Variants in KCNK10 observed in about 807,000 individuals in gnomAD.
KCNK10 encodes potassium channel subfamily K member 10.
In KCNK10, 25 loss-of-function variants were observed where a neutral mutation model predicts 47.7. The ratio of observed to expected loss-of-function variants is 0.52; its 90% CI spans 0.38 to 0.73. The LOEUF is 0.73. KCNK10 is among the 30% of genes least tolerant of loss of function. The probability of loss-of-function intolerance (pLI) is 0.00; values close to 1 mark genes in which losing one functional copy is unlikely to be tolerated. For missense variants in KCNK10, 563 were observed against 714.5 expected (o/e 0.79, Z 2.42); for synonymous variants, 303 against 285.6 (o/e 1.06, Z -0.61).
At position 88,202,152 on chromosome 14, in the gene KCNK10, G is replaced by A. The variant is rs374997497; in HGVS notation, c.682-9742C>T. Reference sequence around the variant, plus strand: ...GCCTCCTGATGTTCACCCCATGTTAGGAGAAAGATTAGAAAATGGAATTGG... The same window carrying A: ...GCCTCCTGATGTTCACCCCATGTTAAGAGAAAGATTAGAAAATGGAATTGG... On this transcript the variant is annotated intron_variant, in intron 4 of 6. Transcript: ENST00000319231. 2.1e-4 allele frequency among the ~76,000 whole-genome samples: 32 copies of A among 152,300 alleles called. 1 individual carries two copies. The highest frequency in any genetic ancestry group is 7.7e-4 in the African/African-American group (32 of 41,558).
At chr14:88,274,127 C>T in intron 1 of KCNK10, among the ~76,000 whole-genome samples, 1 of 149,480 alleles carries the variant, frequency 6.7e-6, no homozygotes, top group East Asian at 2.0e-4. Flanking sequence ...TAAAACTCCA[C>T]AAGCACCGCC....
At chr14:88,257,968 T>C (rs1460955967) in intron 2 of KCNK10, among the ~76,000 whole-genome samples, 3 of 152,050 alleles carry the variant, frequency 2.0e-5, no homozygotes, top group Non-Finnish European at 4.4e-5. Flanking sequence ...ACCCACTAGA[T>C]GTCTATAGCA....
At chr14:88,246,689 A>C (rs1886652959) in intron 2 of KCNK10, among the ~76,000 whole-genome samples, 1 of 152,212 alleles carries the variant, frequency 6.6e-6, no homozygotes, top group African/African-American at 2.4e-5. Flanking sequence ...TCTTGGATTC[A>C]GTGCAGAGGA....
intron 1 of KCNK10, among the ~76,000 whole-genome samples, chr14:88,300,456 T>C: frequency 6.6e-6 from 1 of 152,246 alleles, no homozygotes. Flanking sequence ...TCAGTCATCC[T>C]ACAAGAGTAG....
At chr14:88,231,348 G>A (rs146391582) in intron 3 of KCNK10, among the ~76,000 whole-genome samples, 29 of 152,198 alleles carry the variant, frequency 1.9e-4, no homozygotes, top group Admixed American at 5.2e-4. Flanking sequence ...CAGGTGCCTC[G>A]ATAGTTTGAT....
intron 2 of KCNK10, among the ~76,000 whole-genome samples, chr14:88,250,947 T>C (rs1438544845): frequency 6.6e-6 from 1 of 152,126 alleles, no homozygotes; most frequent in East Asian, 1.9e-4. Context: ...TTCAAACAGA[T>C]ACAAAGGCTG....
chr14:88,208,048 T>C (rs1202104670), intron 4 of KCNK10, among the ~76,000 whole-genome samples: 1 of 152,210 alleles, frequency 6.6e-6, no homozygotes, highest in Non-Finnish European at 1.5e-5. Flanking sequence ...AAGCAGAGAT[T>C]TCTCCCCAAA....
chr14:88,285,782 C>G (rs1887747571), intron 1 of KCNK10, among the ~76,000 whole-genome samples: 1 of 152,202 alleles, frequency 6.6e-6, no homozygotes, highest in Non-Finnish European at 1.5e-5. Flanking sequence ...CAGGTTAAGC[C>G]TCCTGGAAGA....
At chr14:88,200,103 CTCTT>C (rs1430574774) in intron 4 of KCNK10, among the ~76,000 whole-genome samples, 1 of 129,440 alleles carries the variant, frequency 7.7e-6, no homozygotes, top group African/African-American at 2.9e-5. Flanking sequence ...TCCTTTTTTT[CTCTT>C]TCTTTCCATA....
chr14:88,264,323 C>T (rs940018118), intron 1 of KCNK10, among the ~76,000 whole-genome samples: 13 of 152,210 alleles, frequency 8.5e-5, no homozygotes, highest in African/African-American at 1.7e-4. Context: ...ATGACGCACA[C>T]GCAATGCTAT....
chr14:88,247,996 T>G (rs188102978), intron 2 of KCNK10, among the ~76,000 whole-genome samples: 1 of 152,314 alleles, frequency 6.6e-6, no homozygotes, highest in South Asian at 2.1e-4. Context: ...TATACTTTGA[T>G]ATGATCAATA....
In KCNK10 at chr14:88,182,423, C is replaced by T. The variant is rs1884403309; in HGVS notation, c.*3112G>A. 6.6e-6 allele frequency: 1 copy of T among 152,282 alleles called. No individual in the cohort carries two copies. The highest frequency in any genetic ancestry group is 1.5e-5 in the Non-Finnish European group (1 of 68,026). The allele number at this position is 152,282 out of a possible 1,614,324, so 9.4% of individuals were successfully genotyped here. On this transcript the variant is annotated 3_prime_UTR_variant, in exon 7 of 7. Coordinates refer to ENST00000319231, the MANE Select transcript of KCNK10 (RefSeq NM_138317.3). ...CACGTGTATTCTACATGCCATTTGG[C>T]CCCATCTAAAAAAGGTAACATTCAA...
intron 1 of KCNK10, among the ~76,000 whole-genome samples, chr14:88,316,955 T>C (rs968546962): frequency 6.6e-6 from 1 of 152,176 alleles, no homozygotes; most frequent in African/African-American, 2.4e-5. Flanking sequence ...GGGGTTCATA[T>C]GGAGCCAAAG....
chr14:88,272,473 A>T (rs1451249827), intron 1 of KCNK10, among the ~76,000 whole-genome samples: 1 of 152,100 alleles, frequency 6.6e-6, no homozygotes, highest in African/African-American at 2.4e-5. Flanking sequence ...AGGAAGGCGG[A>T]ACAGCAATGG....
intron 4 of KCNK10, among the ~76,000 whole-genome samples, chr14:88,217,306 C>A (rs1300510498): frequency 6.6e-6 from 1 of 152,166 alleles, no homozygotes; most frequent in African/African-American, 2.4e-5. Flanking sequence ...CTGAAGTTCA[C>A]TGATATTGTG....
intron 1 of KCNK10, among the ~76,000 whole-genome samples, chr14:88,312,066 A>G (rs1268283861): frequency 6.6e-6 from 1 of 152,118 alleles, no homozygotes; most frequent in African/African-American, 2.4e-5. Context: ...CATTTTGTGC[A>G]GTAAGTGACA....
At chr14:88,247,385 A>G (rs1023798868) in intron 2 of KCNK10, among the ~76,000 whole-genome samples, 1 of 152,166 alleles carries the variant, frequency 6.6e-6, no homozygotes, top group African/African-American at 2.4e-5. Flanking sequence ...TAACTGCCAC[A>G]CCACCTCAGA....
At chr14:88,194,108 C>T (rs1202977542) in intron 4 of KCNK10, among the ~76,000 whole-genome samples, 1 of 152,084 alleles carries the variant, frequency 6.6e-6, no homozygotes, top group South Asian at 2.1e-4. Context: ...AGAAACCCTC[C>T]TAATCTCCTC....
intron 3 of KCNK10, 116 bp from the exon 4 acceptor site, chr14:88,227,651 T>C: frequency 1.2e-6 from 1 of 832,722 alleles, no homozygotes; most frequent in Non-Finnish European, 1.8e-6. Flanking sequence ...CTTCAGGGAG[T>C]AGAACTTCAT....
Sources: allele counts gnomAD v4.1 joint callset (sites outside exome capture counted in the v4.1 genomes callset), GRCh38; gene constraint gnomAD v4.1.1; transcripts MANE v1.5; gene names NCBI Gene and HGNC (gene_info 2026-07-23, HGNC 2026-07-21).